The following NIPBL variants were observed in gnomAD, a reference collection of about 807,000 sequenced individuals.
NIPBL encodes the protein NIPBL cohesin loading factor.
A neutral mutation model predicts 321.8 loss-of-function variants in NIPBL; 19 were observed. That is an observed-to-expected ratio of 0.06 (90% CI 0.04 to 0.09). The LOEUF (loss-of-function observed/expected upper bound fraction) is 0.09, where lower values mean the gene tolerates loss of function less well. Among genes scored for constraint, NIPBL ranks in the 10% least tolerant of loss-of-function variants. The probability of loss-of-function intolerance (pLI) is 1.00; values close to 1 mark genes in which losing one functional copy is unlikely to be tolerated. For synonymous variants in NIPBL, 1,106 were observed against 1,114.1 expected, an observed-to-expected ratio of 0.99 and a Z score of 0.14; for missense variants, 2,210 against 3,327.0, an observed-to-expected ratio of 0.66 and a Z score of 8.26.
chr5:37,029,963 C>T lies in NIPBL; in HGVS notation c.5862+2551C>T, dbSNP rs1750769811. Among the ~76,000 whole-genome samples, 4 of 152,070 alleles carry T rather than the reference C, an allele frequency of 2.6e-5. 1 individual carries two copies. The highest frequency in any genetic ancestry group is 2.6e-4 in the Admixed American group (4 of 15,262). On this transcript the variant is annotated intron_variant, in intron 32 of 46. Coordinates refer to ENST00000282516, the MANE Select transcript of NIPBL (RefSeq NM_133433.4). ...CCACCTTAGTTAAGTTTATGTCAGC[C>T]ATCCCAAAAGGTACATCATGATTTC...
chr5:37,024,828 CGTTTATA>C lies in NIPBL; in HGVS notation c.5709+117_5709+123del, dbSNP rs919857404. On this transcript the variant is annotated intron_variant, in intron 30 of 46. Transcript: ENST00000282516. The stretch of plus-strand genomic sequence containing the variant: ...TATATCCAAACACTTTACAATGAAT[CGTTTATA>C]GTTTATAAACTTAAGAAAAATACAT... The C allele has an allele frequency of 1.8e-5, 15 of 831,368 alleles. No homozygotes were observed. The African/African-American group carries it at 2.1e-4, about 12-fold the overall frequency. The allele number at this position is 831,368 out of a possible 1,614,324, so 51.5% of individuals were successfully genotyped here.
At chr5:36,883,099 A>G (rs1745629032) in intron 1 of NIPBL, among the ~76,000 whole-genome samples, 1 of 151,972 alleles carries the variant, frequency 6.6e-6, no homozygotes, top group Non-Finnish European at 1.5e-5. Context: ...ATGATCAGTC[A>G]TGCTAATTCA....
chr5:37,022,859 C>T (rs1477491293), intron 29 of NIPBL, among the ~76,000 whole-genome samples: 1 of 152,100 alleles, frequency 6.6e-6, no homozygotes, highest in Non-Finnish European at 1.5e-5. Context: ...AGCTCAGATA[C>T]CTACAAGTTA....
Position 36,953,672 on chromosome 5 carries a change from G to C in NIPBL, c.-25G>C, listed in dbSNP as rs760252451. 47 of 1,608,310 alleles carry C rather than the reference G, an allele frequency of 2.9e-5. No individual in the cohort carries two copies. The highest frequency in any genetic ancestry group is 1.0e-4 in the Admixed American group (6 of 59,974). ...GGCACCTGAACTAAGTACTTTTATA[G>C]GCAACACCATTCCAGAAATTCAGGA... On this transcript the variant is annotated 5_prime_UTR_variant, in exon 2 of 47. Coordinates refer to ENST00000282516, the MANE Select transcript of NIPBL (RefSeq NM_133433.4).
intron 1 of NIPBL, among the ~76,000 whole-genome samples, chr5:36,880,708 A>C (rs1745436649): frequency 6.6e-6 from 1 of 152,070 alleles, no homozygotes; most frequent in Non-Finnish European, 1.5e-5. Flanking sequence ...AATTGTTTTA[A>C]GATGGACTTT....
intron 40 of NIPBL, 149 bp from the exon 41 acceptor site, chr5:37,051,630 A>AT: frequency 4.7e-6 from 3 of 635,506 alleles, no homozygotes; most frequent in Non-Finnish European, 8.4e-6. Context: ...AAGATCTGTC[A>AT]TTTTAAAAAG....
intron 39 of NIPBL, 44 bp downstream of exon 39, chr5:37,048,719 T>A (rs1189105411): frequency 1.4e-6 from 2 of 1,386,086 alleles, no homozygotes; most frequent in East Asian, 4.9e-5. Flanking sequence ...ACATTTATAT[T>A]ATAATGGCTT....
intron 1 of NIPBL, among the ~76,000 whole-genome samples, chr5:36,878,587 G>A (rs1197734549): frequency 6.6e-6 from 1 of 152,160 alleles, no homozygotes; most frequent in African/African-American, 2.4e-5. Flanking sequence ...ACTAGTGTTT[G>A]TTACATTGGT....
At chr5:37,024,807 T>G (rs929091287) in intron 30 of NIPBL, 88 bp downstream of exon 30, 1 of 993,340 alleles carries the variant, frequency 1.0e-6, no homozygotes, top group Admixed American at 2.3e-5. Context: ...TTTAAATATA[T>G]CCAAACACTT....
intron 22 of NIPBL, 144 bp from the exon 23 acceptor site, chr5:37,015,894 A>C: frequency 1.4e-6 from 1 of 715,250 alleles, no homozygotes. Context: ...TTTAAACCAT[A>C]TTTTATTTAA....
intron 32 of NIPBL, among the ~76,000 whole-genome samples, chr5:37,031,071 C>T (rs1475806386): frequency 2.6e-5 from 4 of 152,072 alleles, no homozygotes; most frequent in African/African-American, 9.7e-5. Flanking sequence ...GCAACCTCCG[C>T]CTCCTGGGTT....
intron 1 of NIPBL, among the ~76,000 whole-genome samples, chr5:36,951,688 A>T (rs1475034870): frequency 6.6e-6 from 1 of 152,198 alleles, no homozygotes; most frequent in African/African-American, 2.4e-5. Context: ...AATAATTTCA[A>T]AGAGTAGAAA....
chr5:36,978,584 T>G (rs1433480424), intron 9 of NIPBL, among the ~76,000 whole-genome samples: 1 of 152,062 alleles, frequency 6.6e-6, no homozygotes, highest in African/African-American at 2.4e-5. Context: ...AGAAACTCTT[T>G]AGTTTAATTA....
Position 36,985,249 on chromosome 5 carries a change from A to G in NIPBL, c.2069A>G (p.Asn690Ser). 2 of 1,613,766 alleles carry G rather than the reference A, an allele frequency of 1.2e-6. No homozygotes were observed. Among genetic ancestry groups the G allele is most frequent in the Non-Finnish European group, 1.7e-6 (2 of 1,179,934 alleles). ...DTKPNDNKQN[N>S]GRSETTKSRP... ...AAACCAAATGACAACAAACAAAATA[A>G]TGGCAGATCAGAAACAACAAAATCA... Residue 690 changes from asparagine (N) to serine (S), a missense_variant, in exon 10 of 47, where the codon AAT (asparagine) becomes AGT (serine). Physicochemically the swap from Asn to Ser is conservative, Grantham distance 46. Around this residue, in one of 14 missense-constraint regions of NIPBL, gnomAD observed 588 missense variants for 564.1 expected, o/e 1.04. Coordinates refer to ENST00000282516, the MANE Select transcript of NIPBL (RefSeq NM_133433.4).
At chr5:36,942,483 GA>G (rs1424207041) in intron 1 of NIPBL, among the ~76,000 whole-genome samples, 1 of 131,810 alleles carries the variant, frequency 7.6e-6, no homozygotes, top group African/African-American at 2.9e-5. Flanking sequence ...CTAACGCCTT[GA>G]AATCCAGCAC....
At chr5:36,964,208 G>A (rs1388175454) in intron 6 of NIPBL, among the ~76,000 whole-genome samples, 4 of 151,864 alleles carry the variant, frequency 2.6e-5, no homozygotes, top group Non-Finnish European at 5.9e-5. Context: ...TATATTCAAC[G>A]TAATCCCTAT....
At chr5:37,059,475 C>T (rs1435507102) in intron 44 of NIPBL, among the ~76,000 whole-genome samples, 1 of 152,138 alleles carries the variant, frequency 6.6e-6, no homozygotes, top group Non-Finnish European at 1.5e-5. Context: ...CCACTGCACT[C>T]CAGCCTGGGC....
At chr5:36,983,132 G>T (rs1744335306) in intron 9 of NIPBL, among the ~76,000 whole-genome samples, 1 of 151,758 alleles carries the variant, frequency 6.6e-6, no homozygotes, top group African/African-American at 2.4e-5. Flanking sequence ...CTTTTTTAAG[G>T]TATTGATGTA....
In NIPBL at chr5:37,042,899, GCA is replaced by G. The variant is rs70976273; in HGVS notation, c.6109-1425_6109-1424del. 2.3e-3 allele frequency among the ~76,000 whole-genome samples: 327 copies of G among 144,524 alleles called. 1 individual carries two copies. The highest frequency in any genetic ancestry group is 0.011 in the Middle Eastern group (3 of 276). 94.8% of individuals were successfully genotyped at this position (144,524 alleles called of 152,430 possible). A position where few individuals can be genotyped will look rare whatever the true frequency, so the allele number is the denominator to read the frequency against. Reference sequence around the variant, plus strand: ...TGAAAGCCTTACTACACACACGCGCGCACACACACACACACACACACACATAT... The same window carrying G: ...TGAAAGCCTTACTACACACACGCGCGCACACACACACACACACACACATAT... On this transcript the variant is annotated intron_variant, in intron 34 of 46. Coordinates refer to ENST00000282516, the MANE Select transcript of NIPBL (RefSeq NM_133433.4).
Sources: gnomAD v4.1 joint callset for allele counts (sites outside exome capture counted in the v4.1 genomes callset) on GRCh38, gnomAD v4.1.1 for gene constraint, gnomAD v4.1.1 regional missense constraint, MANE v1.5 for transcripts, NCBI Gene and HGNC (gene_info 2026-07-23, HGNC 2026-07-21) for gene names.